Variants in FAM118B observed in about 807,000 individuals in gnomAD.
FAM118B encodes SIR2 antiphage like 1.
In FAM118B, 24 loss-of-function variants were observed where a neutral mutation model predicts 38.5. The observed-to-expected ratio is 0.62, with a 90% CI of 0.45 to 0.88. The LOEUF is 0.88. FAM118B is among the 40% of genes least tolerant of loss of function. FAM118B has a pLI of 0.00. For synonymous variants in FAM118B, 138 were observed against 156.3 expected (o/e 0.88, Z 0.87); for missense variants, 334 against 420.0 (o/e 0.80, Z 1.79).
At chr11:126,260,568 T>G (rs1053286306) in intron 7 of FAM118B, 1 of 152,218 alleles carries the variant, frequency 6.6e-6, no homozygotes, top group Non-Finnish European at 1.5e-5. Context: ...CAGTTTTTTG[T>G]AAGTCATGTT....
Position 126,236,917 on chromosome 11 carries a change from C to CTTTTTT in FAM118B, c.86+1845_86+1850dup, listed in dbSNP as rs34983028. ...GCACTCTGTTTATGTTTCACAGATG[C>CTTTTTT]TTTTTTTTTTTTTTTTTTTTAGACA... is the stretch of plus-strand genomic sequence containing the variant. On this transcript the variant is annotated intron_variant, in intron 3 of 8. Coordinates refer to ENST00000533050, the MANE Select transcript of FAM118B (RefSeq NM_024556.4). Among the ~76,000 whole-genome samples the CTTTTTT allele has an allele frequency of 3.7e-4, 25 of 68,398 alleles. No homozygotes were observed. The East Asian group carries it at 0.011, about 31-fold the overall frequency. 44.9% of individuals were successfully genotyped at this position (68,398 alleles called of 152,430 possible).
intron 1 of FAM118B, among the ~76,000 whole-genome samples, chr11:126,220,923 A>G (rs1950055403): frequency 1.3e-5 from 2 of 152,092 alleles, no homozygotes; most frequent in Admixed American, 6.5e-5. Flanking sequence ...GCAGTGGCTC[A>G]TGCCTGTAAT....
chr11:126,244,039 A>T lies in FAM118B; in HGVS notation c.339+2995A>T, dbSNP rs572431825. On this transcript the variant is annotated intron_variant, in intron 4 of 8. Transcript: ENST00000533050. The surrounding 1 kb of genome is among the most constrained non-coding windows in gnomAD (Gnocchi z 4.5). Reference sequence around the variant, plus strand: ...GCAACACTCTTTCATGATTTTTTTTAAAAAAGCCACACTCTACAAATGAAG... The same window carrying T: ...GCAACACTCTTTCATGATTTTTTTTTAAAAAGCCACACTCTACAAATGAAG... Among the ~76,000 whole-genome samples, 7 of 152,282 alleles carry T rather than the reference A, an allele frequency of 4.6e-5. No individual in the cohort carries two copies. In the East Asian group the frequency reaches 5.8e-4, roughly 13 times the overall value.
intron 1 of FAM118B, among the ~76,000 whole-genome samples, chr11:126,227,058 C>CTTTTT (rs575065140): frequency 4.1e-4 from 40 of 97,154 alleles, no homozygotes; most frequent in East Asian, 5.5e-4. Context: ...ATACAAGCTT[C>CTTTTT]TTTTTTTTTT....
At chr11:126,234,923 T>C in intron 2 of FAM118B, 72 bp from the exon 3 acceptor site, 1 of 1,243,892 alleles carries the variant, frequency 8.0e-7, no homozygotes, top group Non-Finnish European at 1.2e-6. Context: ...TTAAACTGTT[T>C]AATATATGTG....
intron 7 of FAM118B, among the ~76,000 whole-genome samples, chr11:126,257,942 G>C (rs1025924309): frequency 6.6e-6 from 1 of 152,138 alleles, no homozygotes; most frequent in Non-Finnish European, 1.5e-5. Context: ...AACATTTTTG[G>C]TATCAGCTAA....
At chr11:126,236,949 C>T (rs1257958617) in intron 3 of FAM118B, among the ~76,000 whole-genome samples, 3 of 129,358 alleles carry the variant, frequency 2.3e-5, no homozygotes, top group African/African-American at 8.7e-5. Flanking sequence ...GACAGAGTCT[C>T]ACTGTCTCCC....
intron 2 of FAM118B, chr11:126,233,806 G>A (rs921286678): frequency 1.4e-4 from 64 of 447,362 alleles, no homozygotes; most frequent in Non-Finnish European, 1.2e-4. Flanking sequence ...TTTTGGGCTG[G>A]GTGCAGTGGC....
At position 126,252,222 on chromosome 11, in the gene FAM118B, G is replaced by T. The variant is rs1011875946; in HGVS notation, c.567+1489G>T. Among the ~76,000 whole-genome samples the T allele has an allele frequency of 6.6e-6, 1 of 151,966 alleles. No homozygotes were observed. Among genetic ancestry groups the T allele is most frequent in the Admixed American group, 6.5e-5 (1 of 15,268 alleles). On this transcript the variant is annotated intron_variant, in intron 5 of 8. Transcript: ENST00000533050. This position sits in a 1 kb window ranked among gnomAD's most constrained non-coding sequence, Gnocchi z 4.7. ...GGCTGGTCTCGAACTCCTGACCTCA[G>T]GTGATCTGCCCACCTTAGCCTCCCA...
chr11:126,221,123 G>C (rs1305986443), intron 1 of FAM118B, among the ~76,000 whole-genome samples: 2 of 152,170 alleles, frequency 1.3e-5, no homozygotes, highest in African/African-American at 4.8e-5. Flanking sequence ...GGAGGCAGAG[G>C]CTGCAGTGAG....
rs1950588399 is a variant in FAM118B, at chr11:126,256,983, CCA to C, written c.982+134_982+135del. The C allele has an allele frequency of 1.1e-6, 1 of 904,796 alleles. No homozygotes were observed. Among genetic ancestry groups the C allele is most frequent in the Admixed American group, 2.5e-5 (1 of 40,536 alleles). The allele number at this position is 904,796 out of a possible 1,614,324, so 56.0% of individuals were successfully genotyped here. On this transcript the variant is annotated intron_variant, in intron 7 of 8. Transcript: ENST00000533050. This position sits in a 1 kb window ranked among gnomAD's most constrained non-coding sequence, Gnocchi z 6.6. ...ATGACTGACCAAATTGTAAAGGAGG[CCA>C]CAGTCTTCAGGTTAGACTAAAGTGC...
At chr11:126,248,976 T>C (rs1950460063) in intron 4 of FAM118B, among the ~76,000 whole-genome samples, 1 of 152,252 alleles carries the variant, frequency 6.6e-6, no homozygotes, top group Non-Finnish European at 1.5e-5. Flanking sequence ...GTAAAGCCAG[T>C]TTCCCACCTG....
intron 1 of FAM118B, among the ~76,000 whole-genome samples, chr11:126,214,074 C>T (rs1028860578): frequency 3.5e-4 from 54 of 152,204 alleles, no homozygotes; most frequent in African/African-American, 1.2e-3. Context: ...TGTGGCCGGG[C>T]GCGGTGGCCC....
At chr11:126,239,181 C>T (rs1438750140) in intron 3 of FAM118B, among the ~76,000 whole-genome samples, 1 of 151,856 alleles carries the variant, frequency 6.6e-6, no homozygotes, top group Non-Finnish European at 1.5e-5. Context: ...CACTAAGTTG[C>T]CTAGGCTTGT....
chr11:126,254,631 G>A (rs530027898), intron 6 of FAM118B, among the ~76,000 whole-genome samples, 198 bp downstream of exon 6: 4 of 152,292 alleles, frequency 2.6e-5, no homozygotes, highest in East Asian at 1.9e-4. Flanking sequence ...CCAGGAGTTC[G>A]AGACCAGCCT....
At position 126,256,552 on chromosome 11, in the gene FAM118B, A is replaced by G; in HGVS notation, c.697-15A>G. 1 of 1,612,022 alleles carries G rather than the reference A, an allele frequency of 6.2e-7. No individual in the cohort carries two copies. The highest frequency in any genetic ancestry group is 8.5e-7 in the Non-Finnish European group (1 of 1,178,850). On this transcript the variant is annotated splice_polypyrimidine_tract_variant and intron_variant, in intron 6 of 8. Transcript: ENST00000533050. The surrounding 1 kb of genome is among the most constrained non-coding windows in gnomAD (Gnocchi z 6.6). ...TGTCTTCACAATGTCAATATGTTGT[A>G]TCTTTTCCTTCCAGAGAGAAATTCA...
rs748893298 is a variant in FAM118B, at chr11:126,211,844, G to A, written c.-77+14G>A. The A allele has an allele frequency of 1.7e-6, 1 of 580,070 alleles. No individual in the cohort carries two copies. The highest frequency in any genetic ancestry group is 3.0e-6 in the Non-Finnish European group (1 of 330,718). 35.9% of individuals were successfully genotyped at this position (580,070 alleles called of 1,614,324 possible). A position where few individuals can be genotyped will look rare whatever the true frequency, so the allele number is the denominator to read the frequency against. ...GGAGGAGACTCGGTGAGTGTGTAGG[G>A]AAGCCGGGCTGGGGCTGGGAAATGC... is the stretch of plus-strand genomic sequence containing the variant. On this transcript the variant is annotated intron_variant, in intron 1 of 8. Transcript: ENST00000533050.
intron 1 of FAM118B, among the ~76,000 whole-genome samples, chr11:126,215,815 C>T (rs1365621372): frequency 6.6e-6 from 1 of 151,488 alleles, no homozygotes; most frequent in East Asian, 1.9e-4. Flanking sequence ...TTTGAGATCG[C>T]CTGGGCAACA....
chr11:126,259,632 G>A (rs9794811), intron 7 of FAM118B, among the ~76,000 whole-genome samples: 8,201 of 150,550 alleles, frequency 0.054, 352 homozygotes, highest in East Asian at 0.17. Context: ...TCACCATGTT[G>A]GCCAGGATGG....
Sources: allele counts gnomAD v4.1 joint callset (sites outside exome capture counted in the v4.1 genomes callset), GRCh38; gene constraint gnomAD v4.1.1; non-coding constraint Gnocchi (gnomAD v3.1); transcripts MANE v1.5; gene names NCBI Gene and HGNC (gene_info 2026-07-23, HGNC 2026-07-21).